The following RANBP17 variants were observed in gnomAD, a reference collection of about 807,000 sequenced individuals.
RANBP17 encodes the protein RAN binding protein 17, also known as ran-binding protein 17.
Under a neutral mutation model 141.2 loss-of-function variants are expected in RANBP17, and 158 were observed. The observed-to-expected ratio is 1.12, with a 90% CI of 0.98 to 1.28. The LOEUF is 1.28. Ranked by LOEUF, RANBP17 falls within the 50% of genes most tolerant of loss-of-function variation. The probability of loss-of-function intolerance (pLI) is 0.00; values close to 1 mark genes in which losing one functional copy is unlikely to be tolerated. For missense variants in RANBP17, 1,438 were observed against 1,290.7 expected (o/e 1.11, Z -1.75); for synonymous variants, 430 against 450.0 (o/e 0.96, Z 0.56).
chr5:171,249,967 A>G (rs1765452504), intron 24 of RANBP17, among the ~76,000 whole-genome samples: 1 of 152,238 alleles, frequency 6.6e-6, no homozygotes, highest in African/African-American at 2.4e-5. Context: ...TATAGTCAGA[A>G]TATCTATAGT....
chr5:170,955,665 T>TAC, intron 13 of RANBP17, among the ~76,000 whole-genome samples: 1 of 62,518 alleles, frequency 1.6e-5, no homozygotes. Flanking sequence ...TATATATATA[T>TAC]ATATATATAT....
chr5:171,202,778 A>G (rs1455987880), intron 19 of RANBP17, among the ~76,000 whole-genome samples: 1 of 152,312 alleles, frequency 6.6e-6, no homozygotes, highest in East Asian at 1.9e-4. Flanking sequence ...TGCTGTAAGG[A>G]TGAAGACAGC....
intron 14 of RANBP17, among the ~76,000 whole-genome samples, chr5:171,088,326 A>G (rs1036395134): frequency 1.3e-5 from 2 of 151,986 alleles, no homozygotes; most frequent in Non-Finnish European, 2.9e-5. Flanking sequence ...TTCTGCAGAG[A>G]GATTCGCTGT....
intron 25 of RANBP17, among the ~76,000 whole-genome samples, chr5:171,273,594 C>T (rs1211859840): frequency 6.6e-6 from 1 of 152,146 alleles, no homozygotes; most frequent in Non-Finnish European, 1.5e-5. Flanking sequence ...GCCAGAAATT[C>T]AGATTTTAAA....
intron 14 of RANBP17, among the ~76,000 whole-genome samples, chr5:171,132,432 G>A (rs1756986997): frequency 6.6e-6 from 1 of 151,046 alleles, no homozygotes; most frequent in Admixed American, 6.6e-5. Context: ...TTTGATAATA[G>A]TTTATTTGGG....
At chr5:171,038,953 A>G (rs970697409) in intron 14 of RANBP17, among the ~76,000 whole-genome samples, 1 of 152,086 alleles carries the variant, frequency 6.6e-6, no homozygotes, top group Non-Finnish European at 1.5e-5. Flanking sequence ...AGGATGTACC[A>G]CATTTTCTTT....
chr5:171,209,642 A>G (rs1416429215), intron 20 of RANBP17, among the ~76,000 whole-genome samples: 1 of 152,232 alleles, frequency 6.6e-6, no homozygotes. Flanking sequence ...GCAAAGGGCT[A>G]TATGAGCATG....
chr5:171,274,750 A>G (rs1296688962), intron 25 of RANBP17, among the ~76,000 whole-genome samples: 1 of 152,218 alleles, frequency 6.6e-6, no homozygotes, highest in Admixed American at 6.5e-5. Flanking sequence ...ATTAGTTTTC[A>G]GAAGTATGAT....
At chr5:171,124,910 G>T (rs993807226) in intron 14 of RANBP17, among the ~76,000 whole-genome samples, 1 of 152,166 alleles carries the variant, frequency 6.6e-6, no homozygotes, top group East Asian at 1.9e-4. Context: ...CCAATTAAAA[G>T]ATATAGATTG....
At chr5:170,967,711 G>C (rs1214689345) in intron 13 of RANBP17, among the ~76,000 whole-genome samples, 1 of 151,524 alleles carries the variant, frequency 6.6e-6, no homozygotes, top group African/African-American at 2.4e-5. Context: ...TCACCTTGTA[G>C]TTTATTTAAG....
At chr5:171,147,796 C>T (rs1758167518) in intron 14 of RANBP17, among the ~76,000 whole-genome samples, 1 of 152,190 alleles carries the variant, frequency 6.6e-6, no homozygotes, top group African/African-American at 2.4e-5. Context: ...CGGCCAGCCG[C>T]CCCGTCCGGG....
At chr5:171,288,325 A>T (rs1242410902) in intron 25 of RANBP17, among the ~76,000 whole-genome samples, 5 of 152,178 alleles carry the variant, frequency 3.3e-5, no homozygotes, top group Non-Finnish European at 5.9e-5. Context: ...TGAATGGAGG[A>T]GGTACACATG....
chr5:171,242,556 A>G (rs370883777), intron 23 of RANBP17, 126 bp from the exon 24 acceptor site: 41 of 955,888 alleles, frequency 4.3e-5, no homozygotes, highest in Non-Finnish European at 5.7e-5. Context: ...TTTGCTCTAT[A>G]TATTTATTGA....
chr5:170,964,553 C>G (rs972802187), intron 13 of RANBP17, among the ~76,000 whole-genome samples: 6 of 152,226 alleles, frequency 3.9e-5, no homozygotes, highest in South Asian at 4.2e-4. Flanking sequence ...CCACCTCCCC[C>G]CACCCCACAA....
chr5:171,048,868 C>G (rs1186679280), intron 14 of RANBP17, among the ~76,000 whole-genome samples: 2 of 152,026 alleles, frequency 1.3e-5, no homozygotes, highest in Admixed American at 6.6e-5. Flanking sequence ...ATTTTTTTAT[C>G]CAGTCTACCA....
chr5:171,203,015 A>T (rs1039741242), intron 19 of RANBP17, among the ~76,000 whole-genome samples: 1 of 152,046 alleles, frequency 6.6e-6, no homozygotes, highest in Admixed American at 6.6e-5. Context: ...CACACAGACA[A>T]CTGTTCACCA....
At chr5:171,026,722 T>TA (rs1781256837) in intron 14 of RANBP17, among the ~76,000 whole-genome samples, 1 of 151,918 alleles carries the variant, frequency 6.6e-6, no homozygotes, top group African/African-American at 2.4e-5. Context: ...ACAACTGGTT[T>TA]ACAATTTTTT....
chr5:171,073,243 T>C (rs1292296261), intron 14 of RANBP17, among the ~76,000 whole-genome samples: 2 of 152,102 alleles, frequency 1.3e-5, no homozygotes, highest in African/African-American at 2.4e-5. Context: ...ATATTATAAA[T>C]GCATGACATA....
At chr5:171,091,073 A>T (rs745353851) in intron 14 of RANBP17, among the ~76,000 whole-genome samples, 1 of 152,168 alleles carries the variant, frequency 6.6e-6, no homozygotes, top group African/African-American at 2.4e-5. Context: ...CATACCCTAG[A>T]ATGGTAGAAC....
Sources: allele counts gnomAD v4.1 joint callset (sites outside exome capture counted in the v4.1 genomes callset), GRCh38; gene constraint gnomAD v4.1.1; transcripts MANE v1.5; gene names NCBI Gene and HGNC (gene_info 2026-07-23, HGNC 2026-07-21).